LPGAT1: variants seen among roughly 807,000 people sequenced by gnomAD.
The protein encoded by LPGAT1 is acyl-CoA:lysophosphatidylglycerol acyltransferase 1.
LPGAT1 carries 11 observed loss-of-function variants against 47.5 expected under a neutral mutation model. The ratio of observed to expected loss-of-function variants is 0.23; its 90% CI spans 0.15 to 0.38. LPGAT1 has a LOEUF of 0.38. Ranked by LOEUF, LPGAT1 falls within the 10% of genes least tolerant of loss-of-function variation. The pLI is 1.00. For missense variants in LPGAT1, 293 were observed against 439.0 expected (o/e 0.67, Z 2.97); for synonymous variants, 138 against 144.2 (o/e 0.96, Z 0.31).
chr1:211,782,046 C>T (rs1558266077), intron 5 of LPGAT1, among the ~76,000 whole-genome samples: 1 of 145,132 alleles, frequency 6.9e-6, no homozygotes, highest in African/African-American at 2.5e-5. Flanking sequence ...ATTTTGGTGT[C>T]TTTCCTTTCA....
intron 2 of LPGAT1, among the ~76,000 whole-genome samples, chr1:211,813,620 T>A (rs1660073620): frequency 6.6e-6 from 1 of 152,220 alleles, no homozygotes; most frequent in South Asian, 2.1e-4. Flanking sequence ...TTGAATACAA[T>A]TTATATAATG....
intron 2 of LPGAT1, among the ~76,000 whole-genome samples, chr1:211,810,673 C>T (rs976118767): frequency 6.6e-6 from 1 of 152,072 alleles, no homozygotes; most frequent in Non-Finnish European, 1.5e-5. Flanking sequence ...GAATAAAAAA[C>T]AAACTGTGAA....
At chr1:211,798,485 G>A (rs948277209) in intron 2 of LPGAT1, among the ~76,000 whole-genome samples, 2 of 152,188 alleles carry the variant, frequency 1.3e-5, no homozygotes, top group East Asian at 3.9e-4. Context: ...AGGAGTTCAG[G>A]ACCAGTCTGG....
At chr1:211,827,594 G>A (rs754122970) in intron 2 of LPGAT1, among the ~76,000 whole-genome samples, 38 of 152,124 alleles carry the variant, frequency 2.5e-4, no homozygotes, top group Non-Finnish European at 4.4e-4. Flanking sequence ...TACTATACAA[G>A]AATAAAGCCA....
At chr1:211,779,258 G>A (rs1391678593) in intron 5 of LPGAT1, among the ~76,000 whole-genome samples, 1 of 151,992 alleles carries the variant, frequency 6.6e-6, no homozygotes, top group African/African-American at 2.4e-5. Context: ...TCGAAACAAA[G>A]AACACTATTA....
intron 6 of LPGAT1, among the ~76,000 whole-genome samples, chr1:211,767,087 TA>T (rs1187124923): frequency 6.6e-6 from 1 of 152,156 alleles, no homozygotes; most frequent in Non-Finnish European, 1.5e-5. Context: ...AAACCTCAAT[TA>T]AGACCACTTA....
intron 2 of LPGAT1, among the ~76,000 whole-genome samples, chr1:211,826,045 T>G (rs1397126292): frequency 6.6e-6 from 1 of 151,990 alleles, no homozygotes; most frequent in African/African-American, 2.4e-5. Flanking sequence ...GTCTTCAGAG[T>G]ACTTTTTAAA....
rs773790997 is a variant in LPGAT1 at position 211,829,628 on chromosome 1, C to T, written c.-27-305G>A. 1.1e-4 allele frequency: 122 copies of T among 1,134,780 alleles called. No individual in the cohort carries two copies. The Middle Eastern group carries it at 1.5e-3, about 14-fold the overall frequency. 70.3% of individuals were successfully genotyped at this position (1,134,780 alleles called of 1,614,324 possible). Reference sequence around the variant, plus strand: ...TCCCCGCACCGTGTCTCACTGCGGTCGTCTATTGGACTTAGAAAAATAGAT... The same window carrying T: ...TCCCCGCACCGTGTCTCACTGCGGTTGTCTATTGGACTTAGAAAAATAGAT... On this transcript the variant is annotated intron_variant, in intron 1 of 7. Coordinates refer to ENST00000366997, the MANE Select transcript of LPGAT1 (RefSeq NM_014873.3).
chr1:211,790,549 C>T lies in LPGAT1; in HGVS notation c.357+2523G>A, dbSNP rs145075225. Among the ~76,000 whole-genome samples, 31 of 152,188 alleles carry T rather than the reference C, an allele frequency of 2.0e-4. No homozygotes were observed. The East Asian group carries it at 6.0e-3, about 29-fold the overall frequency. ...CAGCAGGGAAAGATTATAATGCTTC[C>T]ACCCTTATATTCTGTTACTCCTTTA... On this transcript the variant is annotated intron_variant, in intron 3 of 7. Transcript: ENST00000366997.
chr1:211,762,434 G>A (rs1199380147), intron 6 of LPGAT1, among the ~76,000 whole-genome samples: 1 of 152,152 alleles, frequency 6.6e-6, no homozygotes, highest in Non-Finnish European at 1.5e-5. Flanking sequence ...ACAGCCAGGA[G>A]GGCAGAACAA....
chr1:211,775,751 A>G (rs1166896979), intron 6 of LPGAT1, among the ~76,000 whole-genome samples: 2 of 151,870 alleles, frequency 1.3e-5, no homozygotes, highest in Admixed American at 1.3e-4. Context: ...CAACATGGAG[A>G]AACTCCATCT....
intron 5 of LPGAT1, 111 bp downstream of exon 5, chr1:211,783,118 C>G (rs1658709594): frequency 4.0e-6 from 4 of 993,318 alleles, no homozygotes; most frequent in Non-Finnish European, 5.6e-6. Flanking sequence ...CATCTTCTCC[C>G]TATTATTTTT....
At position 211,751,505 on chromosome 1, in the gene LPGAT1, A is replaced by G. The variant is rs533218339; in HGVS notation, c.855-438T>C. 2.6e-5 allele frequency among the ~76,000 whole-genome samples: 4 copies of G among 152,298 alleles called. No homozygotes were observed. The East Asian group carries it at 7.7e-4, about 29-fold the overall frequency. On this transcript the variant is annotated intron_variant, in intron 6 of 7. Coordinates refer to ENST00000366997, the MANE Select transcript of LPGAT1 (RefSeq NM_014873.3). ...TTTGGTGGGAAAGTCTGAGAAGCAC[A>G]GAGACTCTGCCCAAATCGGTAATAT...
In LPGAT1 at chr1:211,747,329, A is replaced by T. The variant is rs1656983775; in HGVS notation, c.*2570T>A. 6.6e-6 allele frequency: 1 copy of T among 152,216 alleles called. No individual in the cohort carries two copies. The highest frequency in any genetic ancestry group is 2.1e-4 in the South Asian group (1 of 4,822). The allele number at this position is 152,216 out of a possible 1,614,324, so 9.4% of individuals were successfully genotyped here. A position where few individuals can be genotyped will look rare whatever the true frequency, so the allele number is the denominator to read the frequency against. On this transcript the variant is annotated 3_prime_UTR_variant, in exon 8 of 8. Transcript: ENST00000366997. Reference sequence around the variant, plus strand: ...AATCAAAGAAGGATAGGGCAGATCAAATACACATCTATTTACAACTCACGG... The same window carrying T: ...AATCAAAGAAGGATAGGGCAGATCATATACACATCTATTTACAACTCACGG...
intron 7 of LPGAT1, 123 bp from the exon 8 acceptor site, chr1:211,750,173 C>T: frequency 1.3e-6 from 1 of 779,790 alleles, no homozygotes; most frequent in Non-Finnish European, 2.1e-6. Flanking sequence ...CTTTCCAGTG[C>T]CCCAGAGGAG....
chr1:211,760,175 T>G (rs1657634095), intron 6 of LPGAT1, among the ~76,000 whole-genome samples: 1 of 152,170 alleles, frequency 6.6e-6, no homozygotes, highest in Non-Finnish European at 1.5e-5. Context: ...AATAGAGATA[T>G]CGGGCCGGGC....
At chr1:211,825,649 G>A (rs754825894) in intron 2 of LPGAT1, among the ~76,000 whole-genome samples, 1 of 152,148 alleles carries the variant, frequency 6.6e-6, no homozygotes, top group Non-Finnish European at 1.5e-5. Flanking sequence ...TATCTGTACA[G>A]CACTTCCTAC....
intron 6 of LPGAT1, among the ~76,000 whole-genome samples, chr1:211,756,814 G>T (rs1304897587): frequency 6.6e-6 from 1 of 151,230 alleles, no homozygotes; most frequent in East Asian, 1.9e-4. Context: ...TGAGTGAGTG[G>T]GACTCCCTGG....
intron 2 of LPGAT1, among the ~76,000 whole-genome samples, chr1:211,802,260 T>TA (rs1342119288): frequency 2.6e-5 from 4 of 152,102 alleles, no homozygotes; most frequent in Non-Finnish European, 5.9e-5. Context: ...TGTCTTTTGT[T>TA]AGCCTAATTA....
Sources: allele counts gnomAD v4.1 joint callset (sites outside exome capture counted in the v4.1 genomes callset), GRCh38; gene constraint gnomAD v4.1.1; transcripts MANE v1.5; gene names NCBI Gene and HGNC (gene_info 2026-07-23, HGNC 2026-07-21).